Variants in NCALD observed in about 807,000 individuals in gnomAD.
NCALD encodes the protein neurocalcin delta.
A neutral mutation model predicts 18.6 loss-of-function variants in NCALD; 10 were observed. The ratio of observed to expected loss-of-function variants is 0.54; its 90% CI spans 0.33 to 0.91. NCALD has a LOEUF of 0.91. Ranked by LOEUF, NCALD falls within the 40% of genes least tolerant of loss-of-function variation. The pLI is 0.03. For synonymous variants in NCALD, 88 were observed against 87.4 expected (o/e 1.01, Z -0.04); for missense variants, 184 against 247.6 (o/e 0.74, Z 1.72).
chr8:102,002,805 A>G (rs1396542863), intron 2 of NCALD, among the ~76,000 whole-genome samples: 1 of 152,244 alleles, frequency 6.6e-6, no homozygotes, highest in Non-Finnish European at 1.5e-5. Context: ...TAAAGGCAGA[A>G]ATAAAGATGT....
intron 4 of NCALD, chr8:101,887,027 A>G (rs1329301647): frequency 1.3e-5 from 2 of 152,216 alleles, no homozygotes; most frequent in African/African-American, 4.8e-5. Context: ...TTATTTTTCT[A>G]CTTAGCAAAT....
At chr8:101,918,740 C>A (rs1466223685) in intron 2 of NCALD, among the ~76,000 whole-genome samples, 3 of 140,752 alleles carry the variant, frequency 2.1e-5, no homozygotes, top group East Asian at 2.2e-4. Context: ...TTTACAATAG[C>A]CACACACACA....
chr8:102,103,491 G>A (rs1486140441), intron 1 of NCALD, among the ~76,000 whole-genome samples: 1 of 152,154 alleles, frequency 6.6e-6, no homozygotes, highest in East Asian at 1.9e-4. Flanking sequence ...GACACCACCA[G>A]GATTCAAACC....
chr8:102,082,220 C>CTTTTTTTTTT (rs1824564429), intron 1 of NCALD, among the ~76,000 whole-genome samples: 2 of 124,728 alleles, frequency 1.6e-5, no homozygotes, highest in Non-Finnish European at 3.2e-5. Context: ...ATTTGAGAAG[C>CTTTTTTTTTT]TCTCTCTTTT....
intron 1 of NCALD, among the ~76,000 whole-genome samples, chr8:101,786,428 A>G (rs1331451150): frequency 6.6e-6 from 1 of 152,164 alleles, no homozygotes; most frequent in Non-Finnish European, 1.5e-5. Flanking sequence ...CACATGATCC[A>G]TGATAAGATG....
intron 4 of NCALD, chr8:101,872,434 A>G: frequency 1.8e-6 from 2 of 1,108,036 alleles, no homozygotes; most frequent in Non-Finnish European, 1.4e-6. Flanking sequence ...CTGCTGAAGG[A>G]TGTGCTGCTC....
chr8:101,782,349 T>C (rs1812052084), intron 1 of NCALD, among the ~76,000 whole-genome samples: 1 of 152,144 alleles, frequency 6.6e-6, no homozygotes, highest in Admixed American at 6.5e-5. Context: ...TCTTAAAATT[T>C]AAGAAGTTAA....
At chr8:102,091,630 A>C (rs552066920) in intron 1 of NCALD, among the ~76,000 whole-genome samples, 152 of 152,342 alleles carry the variant, frequency 1.0e-3, no homozygotes, top group Non-Finnish European at 1.8e-3. Context: ...ACTGTTGTAG[A>C]ATATAGTGCT....
At chr8:102,075,336 A>G (rs1178552032) in intron 1 of NCALD, among the ~76,000 whole-genome samples, 1 of 152,208 alleles carries the variant, frequency 6.6e-6, no homozygotes, top group Non-Finnish European at 1.5e-5. Context: ...ACATAATACT[A>G]TAGGATCATA....
rs567597042 is a variant in NCALD at position 101,712,464 on chromosome 8, G to A, written c.378+6788C>T. Among the ~76,000 whole-genome samples the A allele has an allele frequency of 7.2e-3, 1,096 of 151,906 alleles. 8 individuals carry two copies. The highest frequency in any genetic ancestry group is 0.011 in the Non-Finnish European group (780 of 67,980). ...GCCCCCAATTAAAAGGCACAGACTG[G>A]CAAATTGGATAAAGAGTCAAGACCC... On this transcript the variant is annotated intron_variant, in intron 2 of 3. Coordinates refer to ENST00000220931, the MANE Select transcript of NCALD (RefSeq NM_032041.3).
intron 3 of NCALD, among the ~76,000 whole-genome samples, chr8:101,902,096 T>C (rs1156683873): frequency 1.3e-5 from 2 of 152,186 alleles, no homozygotes; most frequent in Non-Finnish European, 2.9e-5. Flanking sequence ...CACTACATTC[T>C]TTTCTCTTGA....
At chr8:101,823,391 A>G (rs763297560) in intron 4 of NCALD, among the ~76,000 whole-genome samples, 6 of 152,240 alleles carry the variant, frequency 3.9e-5, no homozygotes, top group Non-Finnish European at 7.3e-5. Context: ...GAATGCTTCA[A>G]TGGTCTTCCT....
chr8:101,917,879 C>G (rs1193799004), intron 2 of NCALD, among the ~76,000 whole-genome samples: 1 of 152,074 alleles, frequency 6.6e-6, no homozygotes, highest in Non-Finnish European at 1.5e-5. Context: ...GATGGATTCA[C>G]AGCCAAATTC....
intron 4 of NCALD, among the ~76,000 whole-genome samples, chr8:101,841,176 A>G (rs1452332228): frequency 6.6e-6 from 1 of 152,154 alleles, no homozygotes; most frequent in Non-Finnish European, 1.5e-5. Context: ...TTTCTAATTC[A>G]CTGGGTCTCT....
chr8:101,837,709 C>T (rs1164076863), intron 4 of NCALD, among the ~76,000 whole-genome samples: 1 of 152,206 alleles, frequency 6.6e-6, no homozygotes, highest in East Asian at 1.9e-4. Flanking sequence ...CAAAAATAAC[C>T]ATGCCCAGGG....
chr8:102,034,980 C>A (rs1466827908), intron 1 of NCALD, among the ~76,000 whole-genome samples: 1 of 152,140 alleles, frequency 6.6e-6, no homozygotes, highest in African/African-American at 2.4e-5. Flanking sequence ...ATCCCTTTTC[C>A]CCCTGCCCTT....
At chr8:102,045,624 A>T (rs11996320) in intron 1 of NCALD, among the ~76,000 whole-genome samples, 19,381 of 152,124 alleles carry the variant, frequency 0.13, 1,325 homozygotes, top group African/African-American at 0.17. Flanking sequence ...CCTCTACATC[A>T]GTTGCTTTTA....
intron 1 of NCALD, among the ~76,000 whole-genome samples, chr8:102,068,354 C>T (rs555866441): frequency 3.3e-5 from 5 of 152,204 alleles, no homozygotes; most frequent in Non-Finnish European, 5.9e-5. Context: ...TCACAGCATC[C>T]GCTATTTCTC....
rs541084391 is a variant in NCALD, at chr8:102,081,668, AAGCC to A, written c.-210+42565_-210+42568del. ...GTTCAGTCCATCAGCCTGCGGACTTAAGCCAGACATCGTGCTGACATTTAAAGAT... is the reference window on the plus strand; with the variant it reads ...GTTCAGTCCATCAGCCTGCGGACTTAAGACATCGTGCTGACATTTAAAGAT... On this transcript the variant is annotated intron_variant, in intron 1 of 6. Coordinates refer to the NCALD transcript ENST00000311028. Among the ~76,000 whole-genome samples the A allele has an allele frequency of 1.5e-4, 23 of 152,256 alleles. No homozygotes were observed. In the East Asian group the frequency reaches 4.4e-3, roughly 29 times the overall value.
Sources: gnomAD v4.1 joint callset for allele counts (sites outside exome capture counted in the v4.1 genomes callset) on GRCh38, gnomAD v4.1.1 for gene constraint, MANE v1.5 for transcripts, NCBI Gene and HGNC (gene_info 2026-07-23, HGNC 2026-07-21) for gene names.